Variants in ZFYVE26 observed in about 807,000 individuals in gnomAD.
The protein encoded by ZFYVE26 is zinc finger FYVE-type containing 26, also known as zinc finger FYVE domain-containing protein 26.
ZFYVE26 carries 181 observed loss-of-function variants against 276.5 expected under a neutral mutation model. That is an observed-to-expected ratio of 0.65 (90% CI 0.58 to 0.74). The LOEUF (loss-of-function observed/expected upper bound fraction) is 0.74. ZFYVE26 is among the 30% of genes least tolerant of loss of function. The pLI, the probability that ZFYVE26 is intolerant of heterozygous loss-of-function variation, is 0.00. For synonymous variants in ZFYVE26, 1,129 were observed against 1,203.1 expected (o/e 0.94, Z 1.27); for missense variants, 2,821 against 3,097.9 (o/e 0.91, Z 2.12).
At chr14:67,760,546 A>G (rs2038902909) in intron 35 of ZFYVE26, among the ~76,000 whole-genome samples, 1 of 152,150 alleles carries the variant, frequency 6.6e-6, no homozygotes, top group East Asian at 1.9e-4. Context: ...AATTTCTCCA[A>G]GTTATTATGG....
chr14:67,810,129 A>G (rs1237959447), intron 3 of ZFYVE26, among the ~76,000 whole-genome samples: 2 of 152,108 alleles, frequency 1.3e-5, no homozygotes, highest in Non-Finnish European at 1.5e-5. Flanking sequence ...TTGGACATAC[A>G]CTTCTCTTAA....
At chr14:67,760,522 G>A (rs765008725) in intron 35 of ZFYVE26, among the ~76,000 whole-genome samples, 1 of 152,092 alleles carries the variant, frequency 6.6e-6, no homozygotes, top group Non-Finnish European at 1.5e-5. Flanking sequence ...TACAAAATTT[G>A]GTACATCTCA....
chr14:67,804,091 C>T lies in ZFYVE26; in HGVS notation c.1435+10G>A, dbSNP rs1461057662. 2 of 1,613,976 alleles carry T rather than the reference C, an allele frequency of 1.2e-6. No homozygotes were observed. The highest frequency in any genetic ancestry group is 1.1e-5 in the South Asian group (1 of 91,062). ...GGAAATCCTGGCCAGGTCATTCCAT[C>T]CCAACTCACCAGGCTCTTGCTGGGG... is the stretch of plus-strand genomic sequence containing the variant. On this transcript the variant is annotated intron_variant, in intron 9 of 41. Transcript: ENST00000347230.
Position 67,778,239 on chromosome 14 carries a change from G to A in ZFYVE26, c.4684C>T (p.Leu1562=), listed in dbSNP as rs767423347. The change falls in exon 24 of 42, where the codon CTG becomes TTG. Residue 1562 remains leucine, a synonymous_variant. Coordinates refer to ENST00000347230, the MANE Select transcript of ZFYVE26 (RefSeq NM_015346.4). ...NMILEAQEYE[L]CEEWGCLYPI... Reference sequence around the variant, plus strand: ...TACAGGCAGCCCCACTCTTCACACAGTTCATACTCCTGGAAGGAAACACAC... The same window carrying A: ...TACAGGCAGCCCCACTCTTCACACAATTCATACTCCTGGAAGGAAACACAC... The A allele has an allele frequency of 2.5e-6, 4 of 1,614,136 alleles. No homozygotes were observed. The highest frequency in any genetic ancestry group is 1.6e-4 in the Middle Eastern group (1 of 6,062).
intron 27 of ZFYVE26, among the ~76,000 whole-genome samples, chr14:67,772,590 A>G (rs1415719238): frequency 6.6e-6 from 1 of 152,184 alleles, no homozygotes; most frequent in Non-Finnish European, 1.5e-5. Flanking sequence ...CACAAATAAA[A>G]AAGAGGTAGG....
chr14:67,796,715 G>T (rs894573605), intron 12 of ZFYVE26: 1 of 152,158 alleles, frequency 6.6e-6, no homozygotes, highest in Non-Finnish European at 1.5e-5. Context: ...ACTTTGGGAA[G>T]CTGAGGCAGG....
chr14:67,758,958 G>A (rs2038857931), intron 35 of ZFYVE26, among the ~76,000 whole-genome samples: 1 of 152,136 alleles, frequency 6.6e-6, no homozygotes, highest in Non-Finnish European at 1.5e-5. Context: ...TAAGAAAACA[G>A]GCTGGGCACG....
At chr14:67,740,239 A>ATT (rs2038400253) in intron 13 of ZFYVE26, among the ~76,000 whole-genome samples, 1 of 152,210 alleles carries the variant, frequency 6.6e-6, no homozygotes, top group Non-Finnish European at 1.5e-5. Context: ...TTTATGTTCC[A>ATT]ATGACAGCAG....
intron 29 of ZFYVE26, among the ~76,000 whole-genome samples, chr14:67,769,118 C>T (rs2039136017): frequency 6.6e-6 from 1 of 152,108 alleles, no homozygotes. Context: ...AATTTGTTAC[C>T]AGGTGAACTC....
At chr14:67,797,282 C>T (rs1254395455) in intron 12 of ZFYVE26, 1 of 303,872 alleles carries the variant, frequency 3.3e-6, no homozygotes, top group East Asian at 8.5e-5. Flanking sequence ...TAATGGTAAA[C>T]AACTGGAAAC....
chr14:67,729,497 G>A, exon 14 of ZFYVE26: 1 of 1,009,234 alleles, frequency 9.9e-7, no homozygotes, highest in South Asian at 1.3e-5. Context: ...CCAGGTTTGG[G>A]TTGGGCCTGC....
chr14:67,759,622 C>CAAAAAAAAAAAAA (rs10687512), intron 35 of ZFYVE26, among the ~76,000 whole-genome samples: 4 of 107,044 alleles, frequency 3.7e-5, no homozygotes, highest in African/African-American at 1.1e-4. Context: ...GACTCTGGCT[C>CAAAAAAAAAAAAA]AAAAAAAAAA....
chr14:67,730,005 G>A (rs964045340), intron 13 of ZFYVE26, among the ~76,000 whole-genome samples: 12 of 152,258 alleles, frequency 7.9e-5, no homozygotes, highest in African/African-American at 2.6e-4. Context: ...TATTTATTCC[G>A]TGAAGCACTG....
Position 67,802,285 on chromosome 14 carries a change from G to C in ZFYVE26, c.1436-3C>G, listed in dbSNP as rs775709247. 10 of 1,613,904 alleles carry C rather than the reference G, an allele frequency of 6.2e-6. No individual in the cohort carries two copies. Among genetic ancestry groups the C allele is most frequent in the African/African-American group, 1.3e-5 (1 of 74,912 alleles). The stretch of plus-strand genomic sequence containing the variant: ...AGGGACTGGAGCATCAACTGCATCT[G>C]AATTACAAAGAGAAACAGGCTGAAC... On this transcript the variant is annotated splice_polypyrimidine_tract_variant and splice_region_variant and intron_variant, in intron 9 of 41. Transcript: ENST00000347230.
intron 14 of ZFYVE26, among the ~76,000 whole-genome samples, chr14:67,793,288 C>A (rs531339701): frequency 6.6e-6 from 1 of 151,908 alleles, no homozygotes; most frequent in Non-Finnish European, 1.5e-5. Context: ...AGCAAACAAA[C>A]AAAAACCCAT....
chr14:67,767,707 C>T lies in ZFYVE26; in HGVS notation c.5787G>A (p.Glu1929=), dbSNP rs534207383. The T allele has an allele frequency of 1.9e-6, 3 of 1,614,130 alleles. No homozygotes were observed. The highest frequency in any genetic ancestry group is 1.7e-5 in the Admixed American group (1 of 60,016). The change falls in exon 31 of 42, where the codon GAG becomes GAA. Residue 1929 remains glutamate, a synonymous_variant. Coordinates refer to ENST00000347230, the MANE Select transcript of ZFYVE26 (RefSeq NM_015346.4). The part of the protein sequence containing the change: ...NELVRSEFYY[E]QAPSASLCIA... ...CATTGCATTTTATTGCTATTACCTGCTCATAGTAAAATTCACTCCGCACCA... is the reference window on the plus strand; with the variant it reads ...CATTGCATTTTATTGCTATTACCTGTTCATAGTAAAATTCACTCCGCACCA...
chr14:67,802,695 AT>A (rs2040102932), intron 9 of ZFYVE26, among the ~76,000 whole-genome samples: 1 of 151,872 alleles, frequency 6.6e-6, no homozygotes, highest in Non-Finnish European at 1.5e-5. Context: ...AAAATACTGT[AT>A]TTCTTTGGAA....
chr14:67,751,141 C>T (rs1358125341), intron 40 of ZFYVE26, 45 bp from the exon 41 acceptor site: 5 of 1,612,330 alleles, frequency 3.1e-6, no homozygotes, highest in Non-Finnish European at 4.2e-6. Flanking sequence ...AAGAGTCCCG[C>T]AGTCTGGGAG....
chr14:67,794,388 C>T (rs1009536815), intron 12 of ZFYVE26, 149 bp from the exon 13 acceptor site: 2 of 830,332 alleles, frequency 2.4e-6, no homozygotes, highest in African/African-American at 1.7e-5. Flanking sequence ...TACAGCAAAA[C>T]ACAAGCTCCT....
Sources: allele counts gnomAD v4.1 joint callset (sites outside exome capture counted in the v4.1 genomes callset), GRCh38; gene constraint gnomAD v4.1.1; transcripts MANE v1.5; gene names NCBI Gene and HGNC (gene_info 2026-07-23, HGNC 2026-07-21).